GMPS: variants seen among roughly 807,000 people sequenced by gnomAD.
GMPS encodes GMP synthase [glutamine-hydrolyzing].
GMPS carries 15 observed loss-of-function variants against 77.9 expected under a neutral mutation model. The observed-to-expected ratio is 0.19, with a 90% CI of 0.13 to 0.30. The LOEUF (loss-of-function observed/expected upper bound fraction) is 0.30. Ranked by LOEUF, GMPS falls within the 10% of genes least tolerant of loss-of-function variation. The pLI is 1.00. For missense variants in GMPS, 590 were observed against 838.8 expected, an observed-to-expected ratio of 0.70 and a Z score of 3.66; for synonymous variants, 224 against 275.9, an observed-to-expected ratio of 0.81 and a Z score of 1.86.
In GMPS at chr3:155,940,743, T is replaced by TTG. The variant is rs554914836; in HGVS notation, c.*3052_*3053insGT. On this transcript the variant is annotated 3_prime_UTR_variant, in exon 16 of 16. Coordinates refer to ENST00000496455, the MANE Select transcript of GMPS (RefSeq NM_003875.3). ...CAGAATGGAGAAGCTGGATAGTGTT[T>TTG]TTTTTTTTTTTTTTTAAGGTTCTTT... is the stretch of plus-strand genomic sequence containing the variant. 7 of 195,166 alleles carry TTG rather than the reference T, an allele frequency of 3.6e-5. No individual in the cohort carries two copies. The highest frequency in any genetic ancestry group is 6.4e-5 in the Admixed American group (1 of 15,650). 12.1% of individuals were successfully genotyped at this position (195,166 alleles called of 1,614,324 possible). A position where few individuals can be genotyped will look rare whatever the true frequency, so the allele number is the denominator to read the frequency against.
rs78641924 is a variant in GMPS, at chr3:155,887,728, C to T, written c.28-5790C>T. On this transcript the variant is annotated intron_variant, in intron 1 of 15. Transcript: ENST00000496455. ...TATTGTAGTTACATAGGAGATTGTC[C>T]CTGTTTGTAGGAGATGCATGCTGAA... 9.9e-5 allele frequency among the ~76,000 whole-genome samples: 15 copies of T among 151,830 alleles called. No homozygotes were observed. In the East Asian group the frequency reaches 2.7e-3, roughly 27 times the overall value.
At chr3:155,876,458 C>G (rs1219056032) in intron 1 of GMPS, among the ~76,000 whole-genome samples, 2 of 152,184 alleles carry the variant, frequency 1.3e-5, no homozygotes, top group East Asian at 3.8e-4. Context: ...TGCTTGCAAC[C>G]CACACAACAC....
rs1755824987 is a variant in GMPS at position 155,938,935 on chromosome 3, TAAC to T, written c.*1246_*1248del. 3 of 216,988 alleles carry T rather than the reference TAAC, an allele frequency of 1.4e-5. No homozygotes were observed. The highest frequency in any genetic ancestry group is 9.3e-6 in the Non-Finnish European group (1 of 108,006). 13.4% of individuals were successfully genotyped at this position (216,988 alleles called of 1,614,324 possible). A position where few individuals can be genotyped will look rare whatever the true frequency, so the allele number is the denominator to read the frequency against. ...TAAGAATGTTACCATATTTTTCTCT[TAAC>T]AATTCCATCTCAGGTTGCTGCTGCT... On this transcript the variant is annotated 3_prime_UTR_variant, in exon 16 of 16. Coordinates refer to ENST00000496455, the MANE Select transcript of GMPS (RefSeq NM_003875.3).
At chr3:155,892,019 A>G (rs1279150085) in intron 1 of GMPS, among the ~76,000 whole-genome samples, 1 of 152,192 alleles carries the variant, frequency 6.6e-6, no homozygotes, top group Non-Finnish European at 1.5e-5. Flanking sequence ...ACAAGTGGCT[A>G]AAGGACTGAC....
At chr3:155,931,978 A>G (rs1208184656) in intron 13 of GMPS, 98 bp downstream of exon 13, 3 of 633,142 alleles carry the variant, frequency 4.7e-6, no homozygotes, top group Non-Finnish European at 8.6e-6. Flanking sequence ...TCAAATGTAG[A>G]TATAGGTAGG....
intron 12 of GMPS, 113 bp from the exon 13 acceptor site, chr3:155,931,651 GA>G (rs1277270058): frequency 1.9e-6 from 1 of 530,410 alleles, no homozygotes; most frequent in Non-Finnish European, 3.3e-6. Context: ...CCATGCATAA[GA>G]TATTTTTCAA....
At chr3:155,917,923 A>G (rs943703800) in intron 9 of GMPS, among the ~76,000 whole-genome samples, 1 of 152,176 alleles carries the variant, frequency 6.6e-6, no homozygotes. Context: ...TACTATATGT[A>G]TATAACACAT....
At chr3:155,896,832 G>A (rs2108079343) in intron 2 of GMPS, among the ~76,000 whole-genome samples, 1 of 150,518 alleles carries the variant, frequency 6.6e-6, no homozygotes, top group Non-Finnish European at 1.5e-5. Flanking sequence ...TTATATGACA[G>A]GGAATCACTA....
At chr3:155,906,024 A>G (rs944651898) in intron 4 of GMPS, 136 bp from the exon 5 acceptor site, 1 of 481,022 alleles carries the variant, frequency 2.1e-6, no homozygotes, top group Non-Finnish European at 3.6e-6. Flanking sequence ...TTTGAATTCT[A>G]GCAGTATTCC....
At chr3:155,894,103 G>A (rs182168572) in intron 2 of GMPS, among the ~76,000 whole-genome samples, 1 of 152,320 alleles carries the variant, frequency 6.6e-6, no homozygotes, top group East Asian at 1.9e-4. Flanking sequence ...AGTTTCTAAA[G>A]TATGGAGATT....
At chr3:155,901,698 G>T (rs1007756928) in intron 3 of GMPS, among the ~76,000 whole-genome samples, 3 of 151,816 alleles carry the variant, frequency 2.0e-5, no homozygotes, top group African/African-American at 7.3e-5. Flanking sequence ...ATTAAATGGG[G>T]GTCACGTTGT....
At position 155,941,220 on chromosome 3, in the gene GMPS, C is replaced by G; in HGVS notation, c.*3528C>G. The G allele has an allele frequency of 1.1e-5, 2 of 176,316 alleles. No individual in the cohort carries two copies. Among genetic ancestry groups the G allele is most frequent in the East Asian group, 1.9e-4 (2 of 10,280 alleles). 10.9% of individuals were successfully genotyped at this position (176,316 alleles called of 1,614,324 possible). ...GAGATCGAGACCATCTTGGCTAACACGGTGAAACCCCATCTCTACTAAAAA... is the reference window on the plus strand; with the variant it reads ...GAGATCGAGACCATCTTGGCTAACAGGGTGAAACCCCATCTCTACTAAAAA... On this transcript the variant is annotated 3_prime_UTR_variant, in exon 16 of 16. Transcript: ENST00000496455.
chr3:155,928,932 G>A (rs370298032), intron 12 of GMPS, among the ~76,000 whole-genome samples: 18 of 150,666 alleles, frequency 1.2e-4, no homozygotes, highest in Middle Eastern at 3.4e-3. Flanking sequence ...AATCCAGTCT[G>A]TCATTGTTGG....
intron 12 of GMPS, among the ~76,000 whole-genome samples, chr3:155,927,272 G>C (rs1021542710): frequency 6.6e-6 from 1 of 152,112 alleles, no homozygotes; most frequent in Non-Finnish European, 1.5e-5. Context: ...CTTACAGGCA[G>C]TATTACCCTA....
chr3:155,911,904 C>T (rs77480256), intron 7 of GMPS, among the ~76,000 whole-genome samples: 6,577 of 151,516 alleles, frequency 0.043, 256 homozygotes, highest in East Asian at 0.18. Context: ...TACGAGGCTA[C>T]CCAAGCCCTC....
At position 155,925,386 on chromosome 3, in the gene GMPS, T is replaced by C; in HGVS notation, c.1560+20T>C. On this transcript the variant is annotated intron_variant, in intron 12 of 15. Coordinates refer to ENST00000496455, the MANE Select transcript of GMPS (RefSeq NM_003875.3). Reference sequence around the variant, plus strand: ...GTGCAGGTGAGTTGTGTGAATTCATTCACCAGTGATATACTTTTTTTTTTT... The same window carrying C: ...GTGCAGGTGAGTTGTGTGAATTCATCCACCAGTGATATACTTTTTTTTTTT... The C allele has an allele frequency of 6.4e-7, 1 of 1,565,068 alleles. No individual in the cohort carries two copies. Among genetic ancestry groups the C allele is most frequent in the Non-Finnish European group, 8.7e-7 (1 of 1,155,308 alleles).
At chr3:155,913,257 A>C (rs1755085593) in intron 7 of GMPS, among the ~76,000 whole-genome samples, 1 of 152,228 alleles carries the variant, frequency 6.6e-6, no homozygotes, top group South Asian at 2.1e-4. Flanking sequence ...CTGCCTTGTC[A>C]TCTTACGGTG....
chr3:155,890,490 T>G (rs1329045010), intron 1 of GMPS, among the ~76,000 whole-genome samples: 2 of 152,188 alleles, frequency 1.3e-5, no homozygotes, highest in African/African-American at 4.8e-5. Flanking sequence ...ATAGTAAAAC[T>G]ACTGTTTACT....
intron 9 of GMPS, 46 bp downstream of exon 9, chr3:155,916,238 T>A: frequency 4.4e-6 from 5 of 1,131,162 alleles, no homozygotes; most frequent in Non-Finnish European, 5.3e-6. Flanking sequence ...ACATGGAAAG[T>A]CTTCCATTCT....
Sources: allele counts gnomAD v4.1 joint callset (sites outside exome capture counted in the v4.1 genomes callset), GRCh38; gene constraint gnomAD v4.1.1; transcripts MANE v1.5; gene names NCBI Gene and HGNC (gene_info 2026-07-23, HGNC 2026-07-21).